The following JAKMIP2 variants were observed in gnomAD, a reference collection of about 807,000 sequenced individuals.
JAKMIP2 encodes janus kinase and microtubule-interacting protein 2.
In JAKMIP2, 25 loss-of-function variants were observed where a neutral mutation model predicts 115.0. The ratio of observed to expected loss-of-function variants is 0.22; its 90% CI spans 0.16 to 0.30. JAKMIP2 has a LOEUF of 0.30. Ranked by LOEUF, JAKMIP2 falls within the 10% of genes least tolerant of loss-of-function variation. The pLI, the probability that JAKMIP2 is intolerant of heterozygous loss-of-function variation, is 1.00. For synonymous variants in JAKMIP2, 334 were observed against 343.6 expected, an observed-to-expected ratio of 0.97 and a Z score of 0.31; for missense variants, 642 against 957.6, an observed-to-expected ratio of 0.67 and a Z score of 4.35.
At chr5:147,674,544 C>T (rs555147929) in intron 1 of JAKMIP2, among the ~76,000 whole-genome samples, 1 of 152,244 alleles carries the variant, frequency 6.6e-6, no homozygotes, top group African/African-American at 2.4e-5. Flanking sequence ...AAGGTTGTTG[C>T]ATGATAGGCT....
intron 2 of JAKMIP2, among the ~76,000 whole-genome samples, chr5:147,662,271 GA>G (rs1187517269): frequency 6.6e-6 from 1 of 151,904 alleles, no homozygotes; most frequent in Non-Finnish European, 1.5e-5. Flanking sequence ...TGTTATTTCT[GA>G]ATGTGCCATG....
intron 1 of JAKMIP2, among the ~76,000 whole-genome samples, chr5:147,724,174 T>C (rs938968916): frequency 6.6e-6 from 1 of 152,162 alleles, no homozygotes; most frequent in Non-Finnish European, 1.5e-5. Context: ...CTGAGTTAGG[T>C]CCTGTGGATA....
intron 1 of JAKMIP2, among the ~76,000 whole-genome samples, chr5:147,752,597 G>C (rs1580878609): frequency 6.6e-6 from 1 of 152,170 alleles, no homozygotes; most frequent in Non-Finnish European, 1.5e-5. Context: ...CTTGCTACTG[G>C]GCCTTTGGAG....
chr5:147,639,889 T>A, intron 9 of JAKMIP2, 129 bp from the exon 10 acceptor site: 1 of 1,065,232 alleles, frequency 9.4e-7, no homozygotes, highest in Non-Finnish European at 1.3e-6. Flanking sequence ...TTTGATTTTA[T>A]TTTTAGCTCT....
chr5:147,607,220 A>G (rs7448588), intron 20 of JAKMIP2, among the ~76,000 whole-genome samples: 1 of 152,288 alleles, frequency 6.6e-6, no homozygotes, highest in Admixed American at 6.5e-5. Flanking sequence ...GTTGAATAGG[A>G]GTGGTAAGAG....
chr5:147,637,772 C>G (rs1711536657), intron 10 of JAKMIP2, among the ~76,000 whole-genome samples: 1 of 152,194 alleles, frequency 6.6e-6, no homozygotes, highest in Non-Finnish European at 1.5e-5. Flanking sequence ...ATCAATTTCT[C>G]TCTGTCTTTC....
chr5:147,762,756 C>T (rs1429700226), intron 1 of JAKMIP2, among the ~76,000 whole-genome samples: 1 of 152,050 alleles, frequency 6.6e-6, no homozygotes, highest in Non-Finnish European at 1.5e-5. Context: ...TAGTCCATAA[C>T]AGGTTGTTTC....
chr5:147,742,433 G>C (rs991505065), intron 1 of JAKMIP2, among the ~76,000 whole-genome samples: 3 of 152,000 alleles, frequency 2.0e-5, no homozygotes, highest in Non-Finnish European at 4.4e-5. Flanking sequence ...AATCATTCAA[G>C]AAATATTTGT....
At position 147,773,859 on chromosome 5, in the gene JAKMIP2, A is replaced by C. The variant is rs1335313008; in HGVS notation, c.-149+8597T>G. On this transcript the variant is annotated intron_variant, in intron 1 of 21. Transcript: ENST00000616793. ...CACCCTGTAGGTCAAAAATGTGGAC[A>C]ATCTGGCTAAGAAGAGAGCAAGACA... Among the ~76,000 whole-genome samples the C allele has an allele frequency of 2.0e-5, 3 of 152,102 alleles. No individual in the cohort carries two copies. The South Asian group carries it at 6.2e-4, about 31-fold the overall frequency.
chr5:147,644,732 T>C (rs1440988458), intron 6 of JAKMIP2, 118 bp downstream of exon 6: 4 of 902,836 alleles, frequency 4.4e-6, no homozygotes, highest in African/African-American at 3.5e-5. Context: ...CTTGCTTACA[T>C]AAGGAAAAAT....
intron 19 of JAKMIP2, among the ~76,000 whole-genome samples, chr5:147,615,830 C>A (rs1307607820): frequency 6.6e-6 from 1 of 151,998 alleles, no homozygotes; most frequent in Non-Finnish European, 1.5e-5. Context: ...AAAAGTTTGA[C>A]TGAATAAATG....
intron 1 of JAKMIP2, among the ~76,000 whole-genome samples, chr5:147,691,765 C>G (rs1165120485): frequency 6.6e-6 from 1 of 152,124 alleles, no homozygotes; most frequent in East Asian, 1.9e-4. Context: ...AGACCTGGAG[C>G]AAAGGCGATG....
chr5:147,636,132 C>G, intron 12 of JAKMIP2, 90 bp downstream of exon 12: 1 of 1,044,568 alleles, frequency 9.6e-7, no homozygotes. Context: ...TTCCCCTGGC[C>G]CCTGTGCCAC....
intron 1 of JAKMIP2, among the ~76,000 whole-genome samples, chr5:147,688,513 G>A (rs867656903): frequency 1.3e-5 from 2 of 152,160 alleles, no homozygotes; most frequent in Non-Finnish European, 2.9e-5. Context: ...CATAGAGTCT[G>A]ATTAAATGCA....
chr5:147,639,836 T>C, intron 9 of JAKMIP2, 76 bp from the exon 10 acceptor site: 2 of 1,527,052 alleles, frequency 1.3e-6, no homozygotes, highest in Non-Finnish European at 8.8e-7. Context: ...ATATTAACAT[T>C]TGCCCACTTT....
intron 21 of JAKMIP2, among the ~76,000 whole-genome samples, chr5:147,598,101 C>T (rs1755489109): frequency 6.6e-6 from 1 of 151,866 alleles, no homozygotes; most frequent in Non-Finnish European, 1.5e-5. Flanking sequence ...CAGGTTCAAG[C>T]AATTCTCCTC....
At chr5:147,604,270 T>A (rs1226398298) in intron 20 of JAKMIP2, among the ~76,000 whole-genome samples, 1 of 152,204 alleles carries the variant, frequency 6.6e-6, no homozygotes, top group Admixed American at 6.5e-5. Flanking sequence ...GCAGAGAATG[T>A]ATACTTTGGG....
chr5:147,780,506 AC>A (rs1755717206), intron 1 of JAKMIP2, among the ~76,000 whole-genome samples: 2 of 152,216 alleles, frequency 1.3e-5, no homozygotes, highest in Non-Finnish European at 1.5e-5. Context: ...AAGTGTTATC[AC>A]TAAAAGATTC....
At chr5:147,642,804 C>T (rs1277520298) in intron 7 of JAKMIP2, among the ~76,000 whole-genome samples, 4 of 151,952 alleles carry the variant, frequency 2.6e-5, no homozygotes, top group Non-Finnish European at 4.4e-5. Flanking sequence ...GGTGTGTCTA[C>T]GTGGGTGTTG....
Sources: allele counts gnomAD v4.1 joint callset (sites outside exome capture counted in the v4.1 genomes callset), GRCh38; gene constraint gnomAD v4.1.1; transcripts MANE v1.5; gene names NCBI Gene and HGNC (gene_info 2026-07-23, HGNC 2026-07-21).